The following PRUNE2 variants were observed in gnomAD, a reference collection of about 807,000 sequenced individuals.
PRUNE2 encodes protein prune homolog 2.
A neutral mutation model predicts 252.0 loss-of-function variants in PRUNE2; 164 were observed. The ratio of observed to expected loss-of-function variants is 0.65; its 90% CI spans 0.57 to 0.74. PRUNE2 has a LOEUF of 0.74. Ranked by LOEUF, PRUNE2 falls within the 30% of genes least tolerant of loss-of-function variation. PRUNE2 has a pLI of 0.00. For synonymous variants in PRUNE2, 1,292 were observed against 1,350.2 expected (o/e 0.96, Z 0.94); for missense variants, 3,495 against 3,711.0 (o/e 0.94, Z 1.51).
At chr9:76,676,477 C>T (rs1012483274) in intron 9 of PRUNE2, among the ~76,000 whole-genome samples, 12 of 151,926 alleles carry the variant, frequency 7.9e-5, no homozygotes, top group African/African-American at 2.9e-4. Context: ...AAATTATATA[C>T]ATTTATATGC....
In PRUNE2 at chr9:76,705,002, G is replaced by A; in HGVS notation, c.7272C>T (p.Cys2424=). The change falls in exon 8 of 19, where the codon TGC becomes TGT. Residue 2424 remains cysteine, a synonymous_variant. Coordinates refer to ENST00000376718, the MANE Select transcript of PRUNE2 (RefSeq NM_015225.3). Reference sequence around the variant, plus strand: ...CAGAAAGCACTATCTCTGCTGCTCTGCATCCCAGAGATTCATCCTCTGGAG... The same window carrying A: ...CAGAAAGCACTATCTCTGCTGCTCTACATCCCAGAGATTCATCCTCTGGAG... The part of the protein sequence containing the change: ...AGSPEDESLG[C]RAAEIVLSAL... 2 of 1,613,788 alleles carry A rather than the reference G, an allele frequency of 1.2e-6. No individual in the cohort carries two copies. Among genetic ancestry groups the A allele is most frequent in the Non-Finnish European group, 1.7e-6 (2 of 1,179,780 alleles).
intron 2 of PRUNE2, among the ~76,000 whole-genome samples, chr9:76,851,352 C>A (rs927760671): frequency 2.0e-5 from 3 of 152,282 alleles, no homozygotes; most frequent in Admixed American, 1.3e-4. Flanking sequence ...TCGAGACCAT[C>A]CTGGCTAACA....
At chr9:76,765,609 CATCT>C (rs1166292633) in intron 6 of PRUNE2, among the ~76,000 whole-genome samples, 1 of 152,120 alleles carries the variant, frequency 6.6e-6, no homozygotes, top group Non-Finnish European at 1.5e-5. Flanking sequence ...TCTATCCATC[CATCT>C]ATCCATCCAT....
chr9:76,845,449 T>C (rs1274972574), intron 4 of PRUNE2, among the ~76,000 whole-genome samples: 1 of 152,202 alleles, frequency 6.6e-6, no homozygotes, highest in Non-Finnish European at 1.5e-5. Flanking sequence ...CAAAGATAAA[T>C]GGTTGTGCTT....
At chr9:76,764,970 C>A (rs1245538067) in intron 6 of PRUNE2, among the ~76,000 whole-genome samples, 2 of 152,124 alleles carry the variant, frequency 1.3e-5, no homozygotes, top group East Asian at 1.9e-4. Flanking sequence ...AAGAATGATG[C>A]AGAGCAGATT....
chr9:76,774,483 G>A (rs2053528400), intron 6 of PRUNE2, among the ~76,000 whole-genome samples: 1 of 31,844 alleles, frequency 3.1e-5, no homozygotes, highest in Admixed American at 3.4e-4. Context: ...TTTTTGAGAT[G>A]GAGTCTCACT....
intron 6 of PRUNE2, among the ~76,000 whole-genome samples, chr9:76,722,416 T>C (rs2047726149): frequency 6.6e-6 from 1 of 152,090 alleles, no homozygotes; most frequent in Non-Finnish European, 1.5e-5. Flanking sequence ...AGCATCATAG[T>C]AGTAAAAATT....
chr9:76,841,857 G>A (rs903118177), intron 4 of PRUNE2, among the ~76,000 whole-genome samples: 3 of 152,140 alleles, frequency 2.0e-5, no homozygotes, highest in South Asian at 2.1e-4. Context: ...GGGAAGGGGC[G>A]GCTGTGGGAG....
intron 17 of PRUNE2, among the ~76,000 whole-genome samples, chr9:76,621,807 A>G (rs561151592): frequency 6.6e-6 from 1 of 152,042 alleles, no homozygotes; most frequent in Admixed American, 6.5e-5. Flanking sequence ...TCAGCCTCCC[A>G]TGTAGCTGGG....
At chr9:76,795,702 A>G (rs904622104) in intron 6 of PRUNE2, among the ~76,000 whole-genome samples, 5 of 152,246 alleles carry the variant, frequency 3.3e-5, no homozygotes, top group Non-Finnish European at 7.3e-5. Flanking sequence ...CCGTAAAAAT[A>G]CAGAATTTTA....
In PRUNE2 at chr9:76,708,802, C is replaced by A. The variant is rs766616287; in HGVS notation, c.3472G>T (p.Ala1158Ser). ...CGGGTTTCCGGCTCGGAACCTTCAG[C>A]CATGTATCCTTCTGTTTGACCATCA... ...PSDGQTEGYMAEGSEPETRFT... is the reference protein window; with the variant it reads ...PSDGQTEGYMSEGSEPETRFT... The change falls in exon 8 of 19, where the codon GCT becomes TCT. Residue 1158 changes from alanine (A) to serine (S), a missense_variant. Transcript: ENST00000376718. 46 of 1,613,822 alleles carry A rather than the reference C, an allele frequency of 2.9e-5. 1 individual carries two copies. Among genetic ancestry groups the A allele is most frequent in the Non-Finnish European group, 3.8e-5 (45 of 1,179,906 alleles).
chr9:76,822,897 G>T (rs948638462), intron 6 of PRUNE2, among the ~76,000 whole-genome samples: 5 of 152,104 alleles, frequency 3.3e-5, no homozygotes, highest in African/African-American at 7.2e-5. Flanking sequence ...CCATAAACTC[G>T]ACCTAAGAGC....
chr9:76,668,339 T>TC, intron 9 of PRUNE2, among the ~76,000 whole-genome samples: 1 of 152,358 alleles, frequency 6.6e-6, no homozygotes, highest in East Asian at 1.9e-4. Flanking sequence ...TCTCTGATTT[T>TC]CCCAACTGTG....
intron 4 of PRUNE2, among the ~76,000 whole-genome samples, chr9:76,846,233 G>A (rs2059663239): frequency 6.6e-6 from 1 of 152,170 alleles, no homozygotes; most frequent in East Asian, 1.9e-4. Context: ...ATTGCCAGAG[G>A]TGCTATTCCA....
At chr9:76,826,151 G>C (rs2058332418) in intron 5 of PRUNE2, among the ~76,000 whole-genome samples, 2 of 152,222 alleles carry the variant, frequency 1.3e-5, no homozygotes, top group South Asian at 2.1e-4. Flanking sequence ...ACCAGCACAA[G>C]CAATAGGAAG....
intron 1 of PRUNE2, among the ~76,000 whole-genome samples, chr9:76,866,269 TAAAGTCACTCTG>T (rs1334177810): frequency 6.6e-6 from 1 of 152,236 alleles, no homozygotes; most frequent in African/African-American, 2.4e-5. Context: ...ATGTCTAGCA[TAAAGTCACTCTG>T]AAATTCAAGT....
At chr9:76,666,961 A>C (rs1255422549) in intron 9 of PRUNE2, among the ~76,000 whole-genome samples, 8 of 151,986 alleles carry the variant, frequency 5.3e-5, no homozygotes, top group Non-Finnish European at 8.8e-5. Context: ...AAGGAGAATC[A>C]CTTGAACCCA....
chr9:76,769,402 A>C (rs917813346), intron 6 of PRUNE2, among the ~76,000 whole-genome samples: 3 of 152,304 alleles, frequency 2.0e-5, no homozygotes, highest in Admixed American at 2.0e-4. Flanking sequence ...ATTGATGGAC[A>C]TTAAGGTTGC....
chr9:76,716,168 A>G (rs889289349), intron 6 of PRUNE2, among the ~76,000 whole-genome samples: 2 of 152,208 alleles, frequency 1.3e-5, no homozygotes, highest in African/African-American at 4.8e-5. Flanking sequence ...AACACTGTTC[A>G]AAGCCACACT....
Sources: allele counts gnomAD v4.1 joint callset (sites outside exome capture counted in the v4.1 genomes callset), GRCh38; gene constraint gnomAD v4.1.1; transcripts MANE v1.5; gene names NCBI Gene and HGNC (gene_info 2026-07-23, HGNC 2026-07-21).